The following RUFY4 variants were observed in gnomAD, a reference collection of about 807,000 sequenced individuals.
RUFY4 encodes RUN and FYVE domain containing 4, also known as RUN and FYVE domain-containing protein 4.
A neutral mutation model predicts 69.0 loss-of-function variants in RUFY4; 73 were observed. The observed-to-expected ratio is 1.06, with a 90% CI of 0.88 to 1.29. The LOEUF (loss-of-function observed/expected upper bound fraction) is 1.29. Ranked by LOEUF, RUFY4 falls within the 50% of genes most tolerant of loss-of-function variation. The probability of loss-of-function intolerance (pLI) is 0.00; values close to 1 mark genes in which losing one functional copy is unlikely to be tolerated. For missense variants in RUFY4, 770 were observed against 705.6 expected (o/e 1.09, Z -1.03); for synonymous variants, 287 against 271.8 (o/e 1.06, Z -0.55).
chr2:218,060,711 C>A lies in RUFY4; in HGVS notation c.-1071+2030C>A, dbSNP rs138567499. ...TCTGCCCCATATGGGCCTTAAACAG[C>A]GTATGCAGGGTGAATCTGTAGCAGA... is the stretch of plus-strand genomic sequence containing the variant. On this transcript the variant is annotated intron_variant and NMD_transcript_variant, in intron 3 of 13. Transcript: ENST00000457754. 5 of 1,368,480 alleles carry A rather than the reference C, an allele frequency of 3.7e-6. No homozygotes were observed. The African/African-American group carries it at 5.8e-5, about 16-fold the overall frequency. 84.8% of individuals were successfully genotyped at this position (1,368,480 alleles called of 1,614,324 possible). A position where few individuals can be genotyped will look rare whatever the true frequency, so the allele number is the denominator to read the frequency against.
At position 218,063,235 on chromosome 2, in the gene RUFY4, A is replaced by G. The variant is rs192747414; in HGVS notation, c.-1071+4554A>G. ...TTGCCTTAGAGTCTAAGGGATGACC[A>G]TCCTACCATCAACCAGGTCCAAGTC... On this transcript the variant is annotated intron_variant and NMD_transcript_variant, in intron 3 of 13. Transcript: ENST00000457754. Among the ~76,000 whole-genome samples, 15 of 152,344 alleles carry G rather than the reference A, an allele frequency of 9.8e-5. No homozygotes were observed. The East Asian group carries it at 2.9e-3, about 29-fold the overall frequency.
In RUFY4 at chr2:218,049,099, C is replaced by T. The variant is rs115620042; in HGVS notation, c.-1157-9496C>T. On this transcript the variant is annotated intron_variant and NMD_transcript_variant, in intron 2 of 13. Transcript: ENST00000457754. ...CATGGCTGTACTGGCTGGGGCACTA[C>T]TGGGTCATATGGTTCACAGCATTTT... Among the ~76,000 whole-genome samples, 515 of 152,314 alleles carry T rather than the reference C, an allele frequency of 3.4e-3. 3 individuals are homozygous for T. Among genetic ancestry groups the T allele is most frequent in the African/African-American group, 0.011 (469 of 41,560 alleles).
rs1383483824 is a variant in RUFY4, at chr2:218,083,266, G to A, written c.1502+10G>A. The A allele has an allele frequency of 1.3e-6, 2 of 1,576,346 alleles. No homozygotes were observed. The highest frequency in any genetic ancestry group is 1.4e-5 in the African/African-American group (1 of 73,930). On this transcript the variant is annotated intron_variant, in intron 9 of 10. Coordinates refer to ENST00000344321, the Ensembl canonical transcript of RUFY4. ...TGTTGGAACTGATCCAGTAAGGACG[G>A]GGACAGTGGGAAAGGGGAAACAGAT...
intron 9 of RUFY4, among the ~76,000 whole-genome samples, chr2:218,084,476 C>A (rs1223980995): frequency 1.3e-5 from 2 of 152,024 alleles, no homozygotes; most frequent in Non-Finnish European, 2.9e-5. Context: ...AAGCAATCCA[C>A]CCAGCTCGGC....
upstream of RUFY4, among the ~76,000 whole-genome samples, chr2:218,065,223 C>A (rs1205793498): frequency 2.6e-5 from 4 of 152,188 alleles, no homozygotes; most frequent in Non-Finnish European, 5.9e-5. Context: ...TCTCCCTGGC[C>A]CACTGCAGGC....
At chr2:218,037,520 C>T (rs1958997923) in intron 2 of RUFY4, among the ~76,000 whole-genome samples, 3 of 152,158 alleles carry the variant, frequency 2.0e-5, no homozygotes, top group African/African-American at 7.2e-5. Flanking sequence ...TAAATAAATG[C>T]AGCAAACATA....
At chr2:218,072,430 T>C (rs755593688) in exon 3 of RUFY4, 42 of 1,537,296 alleles carry the variant, frequency 2.7e-5, no homozygotes, top group Non-Finnish European at 5.2e-6. Context: ...ACTGGGACTT[T>C]CTCTGCACTG....
At chr2:218,051,568 T>A (rs112541215) in intron 2 of RUFY4, among the ~76,000 whole-genome samples, 10,106 of 114,902 alleles carry the variant, frequency 0.088, 1,146 homozygotes, top group African/African-American at 0.34. Context: ...TCCAATATTT[T>A]AAAAAAAAAA....
chr2:218,060,835 A>C (rs1689167705), intron 3 of RUFY4: 2 of 1,563,080 alleles, frequency 1.3e-6, no homozygotes, highest in African/African-American at 1.4e-5. Context: ...TCCTCATAGC[A>C]GACTGGGCTA....
Position 218,048,167 on chromosome 2 carries a change from G to A in RUFY4, c.-1157-10428G>A, listed in dbSNP as rs140380600. ...TGGTCTAAAGTGGTATTTCACTGTG[G>A]TTTTGATTTGAATTTCTCTAATGAT... On this transcript the variant is annotated intron_variant and NMD_transcript_variant, in intron 2 of 13. Transcript: ENST00000457754. Among the ~76,000 whole-genome samples, 513 of 152,134 alleles carry A rather than the reference G, an allele frequency of 3.4e-3. 3 individuals are homozygous for A. The highest frequency in any genetic ancestry group is 0.011 in the African/African-American group (467 of 41,506).
intron 2 of RUFY4, among the ~76,000 whole-genome samples, chr2:218,051,527 G>A (rs1303026923): frequency 2.1e-5 from 3 of 145,684 alleles, no homozygotes; most frequent in Non-Finnish European, 4.5e-5. Context: ...AAAAGAGAAC[G>A]TTCTTGTCCT....
chr2:218,053,915 A>G (rs1689003631), intron 2 of RUFY4, among the ~76,000 whole-genome samples: 1 of 152,194 alleles, frequency 6.6e-6, no homozygotes, highest in Non-Finnish European at 1.5e-5. Context: ...AAAGTGCTGG[A>G]ATGACAAGCC....
chr2:218,087,398 G>A (rs982478333), intron 9 of RUFY4, among the ~76,000 whole-genome samples: 3 of 152,066 alleles, frequency 2.0e-5, no homozygotes, highest in Non-Finnish European at 4.4e-5. Flanking sequence ...GAGAAAAGAC[G>A]GCAAGTTAGA....
In RUFY4 at chr2:218,037,692, T is replaced by G. The variant is rs182917939; in HGVS notation, c.-1158+2298T>G. ...CTATAGATTCCTTCTCTGGACATTT[T>G]CAAATATGACATCCCAGTCAATGCC... On this transcript the variant is annotated intron_variant and NMD_transcript_variant, in intron 2 of 13. Coordinates refer to the RUFY4 transcript ENST00000457754. Among the ~76,000 whole-genome samples, 22 of 152,342 alleles carry G rather than the reference T, an allele frequency of 1.4e-4. 1 individual carries two copies. Among genetic ancestry groups the G allele is most frequent in the African/African-American group, 5.1e-4 (21 of 41,570 alleles).
At chr2:218,061,299 C>G (rs541725884) in intron 3 of RUFY4, 1 of 319,368 alleles carries the variant, frequency 3.1e-6, no homozygotes, top group East Asian at 8.0e-5. Flanking sequence ...TTCTGGCCAA[C>G]ATGGGGCAGA....
chr2:218,036,422 T>C (rs563596803), intron 2 of RUFY4, among the ~76,000 whole-genome samples: 113 of 150,824 alleles, frequency 7.5e-4, no homozygotes, highest in South Asian at 8.3e-4. Context: ...TCTAGCATCC[T>C]ACGACTGGGT....
intron 2 of RUFY4, among the ~76,000 whole-genome samples, chr2:218,046,488 T>C (rs1447656066): frequency 1.3e-5 from 2 of 152,164 alleles, no homozygotes; most frequent in Non-Finnish European, 2.9e-5. Flanking sequence ...TTTCACTTAA[T>C]GTAACGTTCT....
chr2:218,044,904 G>A (rs57811974), intron 2 of RUFY4, among the ~76,000 whole-genome samples: 9,883 of 152,228 alleles, frequency 0.065, 1,035 homozygotes, highest in African/African-American at 0.22. Flanking sequence ...ATGAACATAT[G>A]TGTAGCTGTG....
At chr2:218,061,651 T>A (rs1243333689) in intron 3 of RUFY4, among the ~76,000 whole-genome samples, 2 of 152,244 alleles carry the variant, frequency 1.3e-5, no homozygotes, top group Non-Finnish European at 2.9e-5. Context: ...ACTGATTCCC[T>A]TCCATGCTGG....
Sources: gnomAD v4.1 joint callset for allele counts (sites outside exome capture counted in the v4.1 genomes callset) on GRCh38, gnomAD v4.1.1 for gene constraint, MANE v1.5 for transcripts, NCBI Gene and HGNC (gene_info 2026-07-23, HGNC 2026-07-21) for gene names.